The following CHORDC1 variants were observed in gnomAD, a reference collection of about 807,000 sequenced individuals.
CHORDC1 encodes cysteine and histidine rich domain containing 1.
CHORDC1 carries 25 observed loss-of-function variants against 48.3 expected under a neutral mutation model. The ratio of observed to expected loss-of-function variants is 0.52; its 90% CI spans 0.38 to 0.72. The LOEUF (loss-of-function observed/expected upper bound fraction) is 0.72. Among genes scored for constraint, CHORDC1 ranks in the 30% least tolerant of loss-of-function variants. The pLI is 0.00. For synonymous variants in CHORDC1, 128 were observed against 126.4 expected, an observed-to-expected ratio of 1.01 and a Z score of -0.09; for missense variants, 317 against 388.7, an observed-to-expected ratio of 0.82 and a Z score of 1.55.
chr11:90,205,071 G>A (rs1222546162), intron 8 of CHORDC1, among the ~76,000 whole-genome samples: 3 of 151,282 alleles, frequency 2.0e-5, no homozygotes, highest in African/African-American at 7.3e-5. Flanking sequence ...AATGATTGAA[G>A]TTTTAAGTGG....
chr11:90,214,354 T>C (rs1238201889), intron 3 of CHORDC1, among the ~76,000 whole-genome samples, 179 bp from the exon 4 acceptor site: 1 of 152,164 alleles, frequency 6.6e-6, no homozygotes, highest in Non-Finnish European at 1.5e-5. Context: ...AATCTCTGAA[T>C]GACGGCTTTT....
At chr11:90,211,489 TTC>T (rs1429432537) in intron 4 of CHORDC1, 171 bp from the exon 5 acceptor site, 4 of 522,304 alleles carry the variant, frequency 7.7e-6, no homozygotes, top group Non-Finnish European at 1.4e-5. Flanking sequence ...TGTATCTACA[TTC>T]TGTCTTAACA....
intron 6 of CHORDC1, chr11:90,207,787 A>AAAAAAAAT (rs1857743056): frequency 1.4e-5 from 2 of 146,156 alleles, no homozygotes; most frequent in East Asian, 2.0e-4. Flanking sequence ...AACAAAAAAA[A>AAAAAAAAT]CTCGTATAAC....
intron 3 of CHORDC1, 70 bp from the exon 4 acceptor site, chr11:90,214,245 G>T: frequency 1.8e-6 from 2 of 1,122,362 alleles, no homozygotes; most frequent in East Asian, 2.7e-5. Context: ...TATCTTTTCA[G>T]TTCTTTATTG....
In CHORDC1 at chr11:90,215,211, C is replaced by A; in HGVS notation, c.134G>T (p.Arg45Ile). Residue 45 changes from arginine (R) to isoleucine (I), a missense_variant, in exon 3 of 11, where the codon AGA becomes ATA. Physicochemically the swap from Arg to Ile is moderately conservative, Grantham distance 97. Coordinates refer to ENST00000320585, the MANE Select transcript of CHORDC1 (RefSeq NM_012124.3). ...GAAATCAGAAAAATCAGTTGTTCTT[C>A]TCTTACAGCAAGACCAACCCTATGA... ...DALKGWSCCK[R>I]RTTDFSDFLS... The A allele has an allele frequency of 6.4e-7, 1 of 1,563,274 alleles. No homozygotes were observed. The highest frequency in any genetic ancestry group is 1.4e-5 in the African/African-American group (1 of 73,382).
intron 4 of CHORDC1, 71 bp from the exon 5 acceptor site, chr11:90,211,389 CCTT>C (rs1184191326): frequency 1.0e-6 from 1 of 971,688 alleles, no homozygotes; most frequent in Non-Finnish European, 1.6e-6. Flanking sequence ...AAATTAATAA[CCTT>C]AAAAGCTTTC....
intron 2 of CHORDC1, among the ~76,000 whole-genome samples, chr11:90,215,508 C>T (rs1857986249): frequency 1.3e-5 from 2 of 151,714 alleles, no homozygotes; most frequent in African/African-American, 4.8e-5. Context: ...TTTCAACAAT[C>T]GTGTCTGCTT....
chr11:90,204,201 A>C (rs1331744224), intron 8 of CHORDC1, among the ~76,000 whole-genome samples: 1 of 152,158 alleles, frequency 6.6e-6, no homozygotes, highest in Non-Finnish European at 1.5e-5. Context: ...ATACTTGATA[A>C]CTGCATACAT....
intron 1 of CHORDC1, chr11:90,222,660 G>T (rs1402973996): frequency 2.9e-6 from 2 of 690,896 alleles, no homozygotes; most frequent in East Asian, 2.8e-5. Flanking sequence ...GTCTCTCTCC[G>T]CAGTGGCAGA....
At chr11:90,214,274 G>C (rs1285256433) in intron 3 of CHORDC1, 99 bp from the exon 4 acceptor site, 8 of 913,536 alleles carry the variant, frequency 8.8e-6, no homozygotes, top group Non-Finnish European at 1.2e-5. Context: ...TCTATTTCAT[G>C]TTTTCTCCAG....
Position 90,221,312 on chromosome 11 carries a change from A to C in CHORDC1, c.64+1579T>G, listed in dbSNP as rs979339399. ...CATTTTCTTCTCCTTCCATTCACTC[A>C]ATCAGTTTACTTGAAAAATGTATTC... is the stretch of plus-strand genomic sequence containing the variant. On this transcript the variant is annotated intron_variant, in intron 1 of 10. Coordinates refer to ENST00000320585, the MANE Select transcript of CHORDC1 (RefSeq NM_012124.3). 4.2e-4 allele frequency among the ~76,000 whole-genome samples: 64 copies of C among 152,100 alleles called. 1 individual carries two copies. Among genetic ancestry groups the C allele is most frequent in the Non-Finnish European group, 8.5e-4 (58 of 68,022 alleles).
rs770836651 is a variant in CHORDC1, at chr11:90,201,778, A to G, written c.*627T>C. On this transcript the variant is annotated 3_prime_UTR_variant, in exon 11 of 11. Coordinates refer to ENST00000320585, the MANE Select transcript of CHORDC1 (RefSeq NM_012124.3). Reference sequence around the variant, plus strand: ...CTCTGTAATCTTATTTATGTTTCCTATAACATCATACTGCTTGGCAAGTAA... The same window carrying G: ...CTCTGTAATCTTATTTATGTTTCCTGTAACATCATACTGCTTGGCAAGTAA... The G allele has an allele frequency of 2.0e-5, 3 of 152,414 alleles. No individual in the cohort carries two copies. Among genetic ancestry groups the G allele is most frequent in the Non-Finnish European group, 4.4e-5 (3 of 67,902 alleles). The allele number at this position is 152,414 out of a possible 1,614,324, so 9.4% of individuals were successfully genotyped here.
chr11:90,223,043 G>C lies in CHORDC1; in HGVS notation c.-89C>G. ...ACTCCCGTGTCGCTAGCACCGGTCT[G>C]ACGACTGAGGCGGCTACCGGCTTCC... On this transcript the variant is annotated 5_prime_UTR_variant, in exon 1 of 11. Coordinates refer to ENST00000320585, the MANE Select transcript of CHORDC1 (RefSeq NM_012124.3). 1 of 1,137,976 alleles carries C rather than the reference G, an allele frequency of 8.8e-7. No homozygotes were observed. 70.5% of individuals were successfully genotyped at this position (1,137,976 alleles called of 1,614,324 possible).
At chr11:90,202,940 A>T (rs1367313771) in intron 9 of CHORDC1, 65 bp from the exon 10 acceptor site, 4 of 1,486,582 alleles carry the variant, frequency 2.7e-6, no homozygotes, top group African/African-American at 1.4e-5. Context: ...TCAAACACTG[A>T]TTATAAAAAT....
At chr11:90,212,231 C>A (rs1256317356) in intron 4 of CHORDC1, 1 of 152,138 alleles carries the variant, frequency 6.6e-6, no homozygotes, top group Admixed American at 6.5e-5. Flanking sequence ...TGGGAGGTAA[C>A]TGGATCATGG....
intron 1 of CHORDC1, 27 bp from the exon 2 acceptor site, chr11:90,218,211 AG>A: frequency 7.8e-7 from 1 of 1,278,446 alleles, no homozygotes; most frequent in South Asian, 1.4e-5. Flanking sequence ...AAAAAAAAAA[AG>A]TACCACTCTT....
In CHORDC1 at chr11:90,202,415, G is replaced by A; in HGVS notation, c.989C>T (p.Thr330Ile). Residue 330 changes from threonine to isoleucine, a missense_variant, in exon 11 of 11, where the codon ACA becomes ATA. Transcript: ENST00000320585. ...CCTTCCATCTCCCACTCAATCTGTTGTGGCATCTTTTTGTTTTTCCTGCTT... is the reference window on the plus strand; with the variant it reads ...CCTTCCATCTCCCACTCAATCTGTTATGGCATCTTTTTGTTTTTCCTGCTT... ...AKKQEKQKDATTD is the reference protein window; with the variant it reads ...AKKQEKQKDAITD 6.2e-7 allele frequency: 1 copy of A among 1,611,598 alleles called. No individual in the cohort carries two copies. The highest frequency in any genetic ancestry group is 2.2e-5 in the East Asian group (1 of 44,852).
At position 90,201,950 on chromosome 11, in the gene CHORDC1, A is replaced by G. The variant is rs929254684; in HGVS notation, c.*455T>C. ...AATCATCCCACATAGAAAAAACTGC[A>G]GAGCTTCATCTCTTCCTTAAATATT... On this transcript the variant is annotated 3_prime_UTR_variant, in exon 11 of 11. Coordinates refer to ENST00000320585, the MANE Select transcript of CHORDC1 (RefSeq NM_012124.3). 1.3e-5 allele frequency: 2 copies of G among 152,608 alleles called. No homozygotes were observed. The highest frequency in any genetic ancestry group is 4.8e-5 in the African/African-American group (2 of 41,460). 9.5% of individuals were successfully genotyped at this position (152,608 alleles called of 1,614,324 possible). A position where few individuals can be genotyped will look rare whatever the true frequency, so the allele number is the denominator to read the frequency against.
intron 2 of CHORDC1, among the ~76,000 whole-genome samples, chr11:90,216,736 A>C (rs926350191): frequency 2.0e-5 from 3 of 152,190 alleles, no homozygotes; most frequent in African/African-American, 7.2e-5. Flanking sequence ...GGAGCAGTAA[A>C]GTTGAGAGGC....
Sources: allele counts gnomAD v4.1 joint callset (sites outside exome capture counted in the v4.1 genomes callset), GRCh38; gene constraint gnomAD v4.1.1; transcripts MANE v1.5; gene names NCBI Gene and HGNC (gene_info 2026-07-23, HGNC 2026-07-21).